The following IMMP2L variants were observed in gnomAD, a reference collection of about 807,000 sequenced individuals.
The protein encoded by IMMP2L is inner mitochondrial membrane peptidase subunit 2.
In IMMP2L, 18 loss-of-function variants were observed where a neutral mutation model predicts 19.3. That is an observed-to-expected ratio of 0.93 (90% CI 0.64 to 1.38). The LOEUF (loss-of-function observed/expected upper bound fraction) is 1.38, where lower values mean the gene tolerates loss of function less well. Ranked by LOEUF, IMMP2L falls within the 40% of genes most tolerant of loss-of-function variation. The pLI, the probability that IMMP2L is intolerant of heterozygous loss-of-function variation, is 0.00. For synonymous variants in IMMP2L, 76 were observed against 73.0 expected, an observed-to-expected ratio of 1.04 and a Z score of -0.21; for missense variants, 233 against 218.2, an observed-to-expected ratio of 1.07 and a Z score of -0.43.
At chr7:111,061,835 T>C (rs548944616) in intron 3 of IMMP2L, among the ~76,000 whole-genome samples, 2 of 152,220 alleles carry the variant, frequency 1.3e-5, no homozygotes, top group Non-Finnish European at 2.9e-5. Context: ...GATTCTTCCA[T>C]TAAAATCTAT....
chr7:110,836,284 T>C (rs1804465442), intron 5 of IMMP2L, among the ~76,000 whole-genome samples: 1 of 152,136 alleles, frequency 6.6e-6, no homozygotes, highest in Non-Finnish European at 1.5e-5. Flanking sequence ...AATTTACAAG[T>C]ATTGTCATAA....
chr7:111,385,071 C>T (rs753647101), intron 3 of IMMP2L, among the ~76,000 whole-genome samples: 1 of 152,060 alleles, frequency 6.6e-6, no homozygotes. Flanking sequence ...AGCAGCCCTG[C>T]CCTCATGCAC....
chr7:111,192,121 A>G (rs1808949675), intron 3 of IMMP2L, among the ~76,000 whole-genome samples: 2 of 152,110 alleles, frequency 1.3e-5, no homozygotes, highest in Non-Finnish European at 2.9e-5. Flanking sequence ...TGGAAGAGAG[A>G]ATTTTCTCTC....
At chr7:110,865,118 T>G (rs1221705541) in intron 5 of IMMP2L, among the ~76,000 whole-genome samples, 1 of 152,036 alleles carries the variant, frequency 6.6e-6, no homozygotes, top group African/African-American at 2.4e-5. Context: ...AAAGATAAAC[T>G]TTACCTATTT....
At chr7:111,555,048 A>C (rs1222086748) in intron 1 of IMMP2L, among the ~76,000 whole-genome samples, 1 of 152,188 alleles carries the variant, frequency 6.6e-6, no homozygotes, top group East Asian at 1.9e-4. Flanking sequence ...ATAATGGAGC[A>C]CTAGGCATAA....
At chr7:111,337,886 A>G (rs1453681902) in intron 3 of IMMP2L, among the ~76,000 whole-genome samples, 1 of 152,134 alleles carries the variant, frequency 6.6e-6, no homozygotes, top group Non-Finnish European at 1.5e-5. Flanking sequence ...ATCAACAAAC[A>G]TTCACTAAAA....
chr7:111,236,147 G>GT (rs997900630), intron 3 of IMMP2L, among the ~76,000 whole-genome samples: 22 of 150,052 alleles, frequency 1.5e-4, no homozygotes, highest in South Asian at 2.1e-4. Context: ...TCTCATTTGT[G>GT]TTTTTTTTTA....
intron 3 of IMMP2L, among the ~76,000 whole-genome samples, chr7:111,374,485 C>A (rs1006054750): frequency 2.0e-5 from 3 of 152,026 alleles, no homozygotes; most frequent in African/African-American, 7.2e-5. Flanking sequence ...CTCAACAATT[C>A]CACAAAGTGA....
chr7:111,335,252 A>C (rs1287953932), intron 3 of IMMP2L, among the ~76,000 whole-genome samples: 1 of 152,100 alleles, frequency 6.6e-6, no homozygotes, highest in Non-Finnish European at 1.5e-5. Context: ...TATTTGATGA[A>C]ATGGATGCAT....
intron 5 of IMMP2L, among the ~76,000 whole-genome samples, chr7:110,804,917 T>C (rs1801520215): frequency 6.6e-6 from 1 of 152,072 alleles, no homozygotes; most frequent in Non-Finnish European, 1.5e-5. Context: ...CTCTAACATT[T>C]TTGTTTCAGC....
intron 3 of IMMP2L, among the ~76,000 whole-genome samples, chr7:111,006,780 A>G (rs1298142576): frequency 6.6e-6 from 1 of 152,092 alleles, no homozygotes; most frequent in African/African-American, 2.4e-5. Context: ...TAATCATGTA[A>G]GCACTTGAAG....
At chr7:110,809,768 C>T (rs149380045) in intron 5 of IMMP2L, among the ~76,000 whole-genome samples, 209 of 152,132 alleles carry the variant, frequency 1.4e-3, no homozygotes, top group Non-Finnish European at 2.5e-3. Flanking sequence ...CAGTTGGATA[C>T]TTCATGAGTT....
At chr7:110,750,901 G>A (rs1797677137) in intron 5 of IMMP2L, among the ~76,000 whole-genome samples, 1 of 151,904 alleles carries the variant, frequency 6.6e-6, no homozygotes, top group African/African-American at 2.4e-5. Context: ...AAATCAAAAA[G>A]CAGAAAATCC....
At chr7:110,969,887 T>C (rs1819957611) in intron 3 of IMMP2L, among the ~76,000 whole-genome samples, 2 of 152,114 alleles carry the variant, frequency 1.3e-5, no homozygotes, top group South Asian at 4.1e-4. Flanking sequence ...AGCAGAAATA[T>C]CACCTTTATG....
chr7:111,508,032 C>T (rs1216158593), intron 2 of IMMP2L, among the ~76,000 whole-genome samples: 1 of 152,092 alleles, frequency 6.6e-6, no homozygotes, highest in African/African-American at 2.4e-5. Flanking sequence ...TGAGGGAGGC[C>T]TGATTCACTA....
chr7:110,852,295 T>G (rs1254713640), intron 5 of IMMP2L, among the ~76,000 whole-genome samples: 1 of 151,980 alleles, frequency 6.6e-6, no homozygotes, highest in Non-Finnish European at 1.5e-5. Flanking sequence ...GAATATTGCT[T>G]GATTCACACA....
At chr7:111,522,164 T>G (rs1846394598) in intron 1 of IMMP2L, among the ~76,000 whole-genome samples, 1 of 152,108 alleles carries the variant, frequency 6.6e-6, no homozygotes, top group Admixed American at 6.5e-5. Context: ...ATAAATCACT[T>G]GCGCTGTTTG....
At chr7:111,008,337 C>G (rs1824530578) in intron 3 of IMMP2L, among the ~76,000 whole-genome samples, 1 of 152,064 alleles carries the variant, frequency 6.6e-6, no homozygotes. Context: ...ATTCTTTGAG[C>G]ATACCAAGAA....
chr7:110,859,465 G>A (rs914114971), intron 5 of IMMP2L, among the ~76,000 whole-genome samples: 1 of 151,830 alleles, frequency 6.6e-6, no homozygotes, highest in Non-Finnish European at 1.5e-5. Flanking sequence ...AGTATGGGCT[G>A]TGTGTGGTGG....
Sources: allele counts gnomAD v4.1 joint callset (sites outside exome capture counted in the v4.1 genomes callset), GRCh38; gene constraint gnomAD v4.1.1; transcripts MANE v1.5; gene names NCBI Gene and HGNC (gene_info 2026-07-23, HGNC 2026-07-21).